CBY1: variants seen among roughly 807,000 people sequenced by gnomAD.
The protein encoded by CBY1 is protein chibby homolog 1.
In CBY1, 10 loss-of-function variants were observed where a neutral mutation model predicts 15.6. The observed-to-expected ratio is 0.64, with a 90% CI of 0.40 to 1.09. The LOEUF (loss-of-function observed/expected upper bound fraction) is 1.09. Among genes scored for constraint, CBY1 ranks in the 50% least tolerant of loss-of-function variants. The pLI, the probability that CBY1 is intolerant of heterozygous loss-of-function variation, is 0.01. For missense variants in CBY1, 150 were observed against 160.5 expected, an observed-to-expected ratio of 0.93 and a Z score of 0.35; for synonymous variants, 61 against 63.5, an observed-to-expected ratio of 0.96 and a Z score of 0.19.
chr22:38,661,513 T>A (rs2092422351), intron 1 of CBY1, among the ~76,000 whole-genome samples: 2 of 152,250 alleles, frequency 1.3e-5, no homozygotes, highest in African/African-American at 2.4e-5. Flanking sequence ...AAAGCTGTCA[T>A]GAGCACATAA....
chr22:38,657,074 T>G (rs1184083438), intron 1 of CBY1: 1 of 975,116 alleles, frequency 1.0e-6, no homozygotes, highest in Non-Finnish European at 1.2e-6. Flanking sequence ...CTGAACTCCT[T>G]GGGGGACACG....
In CBY1 at chr22:38,667,996, CCT is replaced by C; in HGVS notation, c.-38-20_-38-19del. ...GGTCAGTGATCCAGCTGCTTGTACC[CCT>C]GACTTTTTCTGACCCTAGGAGAAGG... On this transcript the variant is annotated intron_variant, in intron 1 of 4. Transcript: ENST00000216029. 7.1e-7 allele frequency: 1 copy of C among 1,411,576 alleles called. No homozygotes were observed. Among genetic ancestry groups the C allele is most frequent in the Non-Finnish European group, 1.0e-6 (1 of 998,276 alleles). 87.4% of individuals were successfully genotyped at this position (1,411,576 alleles called of 1,614,324 possible).
Position 38,672,539 on chromosome 22 carries a change from C to T in CBY1, c.304-620C>T, listed in dbSNP as rs1029368897. 4.6e-5 allele frequency among the ~76,000 whole-genome samples: 7 copies of T among 151,982 alleles called. No homozygotes were observed. In the South Asian group the frequency reaches 6.2e-4, roughly 13 times the overall value. ...CCATGTTGGCCAGGCTGGTCTCCAA[C>T]GCCTGACCTCAAGTGATCTCCCTGT... On this transcript the variant is annotated intron_variant, in intron 4 of 4. Coordinates refer to ENST00000216029, the MANE Select transcript of CBY1 (RefSeq NM_015373.4).
intron 1 of CBY1, among the ~76,000 whole-genome samples, chr22:38,665,186 G>C (rs2092432624): frequency 6.6e-6 from 1 of 152,158 alleles, no homozygotes; most frequent in Non-Finnish European, 1.5e-5. Context: ...AAACAGGCCG[G>C]GTGTGGTGGT....
At chr22:38,673,138 C>T (rs2092457924) in intron 4 of CBY1, 21 bp from the exon 5 acceptor site, 3 of 1,575,828 alleles carry the variant, frequency 1.9e-6, no homozygotes, top group Non-Finnish European at 1.7e-6. Flanking sequence ...TGCTTGCTAA[C>T]AGCCGCTGCT....
intron 4 of CBY1, 58 bp downstream of exon 4, chr22:38,671,246 C>G (rs949492323): frequency 3.1e-6 from 4 of 1,271,740 alleles, no homozygotes; most frequent in African/African-American, 2.9e-5. Flanking sequence ...GGCTCCACCT[C>G]GAGTCACTTA....
chr22:38,667,266 C>T (rs1005786236), intron 1 of CBY1, among the ~76,000 whole-genome samples: 2 of 152,172 alleles, frequency 1.3e-5, no homozygotes, highest in Admixed American at 6.5e-5. Flanking sequence ...CTACCTCAGC[C>T]TCCTGAGTCA....
chr22:38,672,928 C>T (rs545326548), intron 4 of CBY1, among the ~76,000 whole-genome samples: 1 of 152,208 alleles, frequency 6.6e-6, no homozygotes, highest in African/African-American at 2.4e-5. Flanking sequence ...GCCATGCCCT[C>T]GTGGGTGACA....
At chr22:38,666,082 C>T (rs898016261) in intron 1 of CBY1, among the ~76,000 whole-genome samples, 3 of 151,554 alleles carry the variant, frequency 2.0e-5, no homozygotes, top group African/African-American at 4.8e-5. Flanking sequence ...AAGCAATCCT[C>T]TCACCTTGGC....
At chr22:38,667,981 C>G in intron 1 of CBY1, 36 bp from the exon 2 acceptor site, 1 of 1,140,604 alleles carries the variant, frequency 8.8e-7, no homozygotes, top group Non-Finnish European at 1.3e-6. Context: ...GGTCAGTGAT[C>G]CAGCTGCTTG....
rs115471660 is a variant in CBY1, at chr22:38,664,895, G to A, written c.-38-3122G>A. 1.6e-3 allele frequency among the ~76,000 whole-genome samples: 237 copies of A among 152,046 alleles called. 1 individual carries two copies. The highest frequency in any genetic ancestry group is 5.5e-3 in the African/African-American group (227 of 41,496). On this transcript the variant is annotated intron_variant, in intron 1 of 4. Transcript: ENST00000216029. ...GTCTTGCTCTGTTGCCCAGACTGAAGTGTGCAGTGGTGATCACAGCTCACT... is the reference window on the plus strand; with the variant it reads ...GTCTTGCTCTGTTGCCCAGACTGAAATGTGCAGTGGTGATCACAGCTCACT...
intron 1 of CBY1, chr22:38,667,439 A>AT (rs1047160001): frequency 3.3e-5 from 5 of 152,380 alleles, no homozygotes; most frequent in African/African-American, 9.6e-5. Context: ...TTCCCAAGTA[A>AT]TTGGGACTAC....
At position 38,668,073 on chromosome 22, in the gene CBY1, AC is replaced by A; in HGVS notation, c.20del (p.Thr7SerfsTer39). 5 of 1,614,014 alleles carry A rather than the reference AC, an allele frequency of 3.1e-6. No homozygotes were observed. Among genetic ancestry groups the A allele is most frequent in the Non-Finnish European group, 4.2e-6 (5 of 1,179,954 alleles). On this transcript the variant is annotated frameshift_variant, in exon 2 of 5. Transcript: ENST00000216029. LOFTEE classifies it high-confidence loss of function. MPFFGNTFSPKKTPPRK... is the reference protein window; with the variant it reads MPFFGNXFSPKKTPPRK... ...GCCAAAGATGCCTTTCTTTGGGAAT[AC>A]GTTCAGTCCGAAGAAGACACCTCCT... is the stretch of plus-strand genomic sequence containing the variant.
chr22:38,673,339 C>T lies in CBY1; in HGVS notation c.*103C>T. 1.4e-6 allele frequency: 1 copy of T among 721,048 alleles called. No homozygotes were observed. The highest frequency in any genetic ancestry group is 2.5e-6 in the Non-Finnish European group (1 of 404,016). 44.7% of individuals were successfully genotyped at this position (721,048 alleles called of 1,614,324 possible). A position where few individuals can be genotyped will look rare whatever the true frequency, so the allele number is the denominator to read the frequency against. ...GGAAGAGAGTATCATATAATGAGACCCACAGGCACTGGCACCCTTGGGTTG... is the reference window on the plus strand; with the variant it reads ...GGAAGAGAGTATCATATAATGAGACTCACAGGCACTGGCACCCTTGGGTTG... On this transcript the variant is annotated 3_prime_UTR_variant, in exon 5 of 5. Transcript: ENST00000216029.
At chr22:38,672,629 T>G (rs2092456278) in intron 4 of CBY1, among the ~76,000 whole-genome samples, 1 of 152,020 alleles carries the variant, frequency 6.6e-6, no homozygotes. Flanking sequence ...ATGTTTTTTT[T>G]TAAAAATGAG....
At chr22:38,659,861 CAAAAAAAAA>C (rs71197126) in intron 1 of CBY1, among the ~76,000 whole-genome samples, 1 of 68,380 alleles carries the variant, frequency 1.5e-5, no homozygotes, top group Admixed American at 1.7e-4. Flanking sequence ...GACTCTGTCT[CAAAAAAAAA>C]AAAAAAAAAA....
intron 1 of CBY1, among the ~76,000 whole-genome samples, chr22:38,666,229 A>AT (rs1420464720): frequency 6.3e-5 from 8 of 127,724 alleles, no homozygotes; most frequent in African/African-American, 2.0e-4. Flanking sequence ...TTATATATAT[A>AT]TATATTTTTT....
Position 38,670,939 on chromosome 22 carries a change from T to C in CBY1, c.134T>C (p.Met45Thr), listed in dbSNP as rs372135982. The change falls in exon 3 of 5, where the codon ATG (methionine) becomes ACG (threonine). Residue 45 changes from methionine to threonine, a missense_variant. Coordinates refer to ENST00000216029, the MANE Select transcript of CBY1 (RefSeq NM_015373.4). The stretch of plus-strand genomic sequence containing the variant: ...GGCTTGGAATACGGATCCCCGACTA[T>C]GAACCTGGCAGGGCAAAGCCTGAAG... ...ELGLEYGSPT[M>T]NLAGQSLKFE... is the part of the protein sequence containing the mutation. 26 of 1,614,122 alleles carry C rather than the reference T, an allele frequency of 1.6e-5. No homozygotes were observed. The highest frequency in any genetic ancestry group is 2.1e-5 in the Non-Finnish European group (25 of 1,180,052).
chr22:38,671,183 G>C lies in CBY1; in HGVS notation c.298G>C (p.Asp100His). 1 of 1,607,528 alleles carries C rather than the reference G, an allele frequency of 6.2e-7. No homozygotes were observed. The highest frequency in any genetic ancestry group is 8.5e-7 in the Non-Finnish European group (1 of 1,174,214). ...LLRLKVDILL[D>H]MLSESTAESH... The stretch of plus-strand genomic sequence containing the variant: ...GCGGCTGAAAGTGGACATCTTATTA[G>C]ACATGGTGAGGCAGGTGATGGGGAA... Residue 100 changes from aspartate (D) to histidine (H), a missense_variant, in exon 4 of 5, where the codon GAC becomes CAC. By Grantham distance (81) the Asp-to-His change is moderately conservative. Transcript: ENST00000216029.
Sources: allele counts gnomAD v4.1 joint callset (sites outside exome capture counted in the v4.1 genomes callset), GRCh38; gene constraint gnomAD v4.1.1; transcripts MANE v1.5; gene names NCBI Gene and HGNC (gene_info 2026-07-23, HGNC 2026-07-21).